The following GEMIN6 variants were observed in gnomAD, a reference collection of about 807,000 sequenced individuals.
The protein encoded by GEMIN6 is gem nuclear organelle associated protein 6.
GEMIN6 carries 13 observed loss-of-function variants against 14.1 expected under a neutral mutation model. The observed-to-expected ratio is 0.92, with a 90% confidence interval of 0.60 to 1.46. The LOEUF (loss-of-function observed/expected upper bound fraction) is 1.46. Ranked by LOEUF, GEMIN6 falls within the 40% of genes most tolerant of loss-of-function variation. The pLI is 0.00. For missense variants in GEMIN6, 271 were observed against 202.4 expected (o/e 1.34, Z -2.06); for synonymous variants, 87 against 70.0 (o/e 1.24, Z -1.21).
chr2:38,780,744 T>C (rs1460917890), intron 2 of GEMIN6, among the ~76,000 whole-genome samples: 1 of 151,240 alleles, frequency 6.6e-6, no homozygotes, highest in Non-Finnish European at 1.5e-5. Context: ...TTCTCCTGCC[T>C]CAGCCTCCTA....
rs1346761863 is a variant in GEMIN6, at chr2:38,784,862, A to G, written c.*2970A>G. 1 of 152,226 alleles carries G rather than the reference A, an allele frequency of 6.6e-6. No individual in the cohort carries two copies. The highest frequency in any genetic ancestry group is 1.5e-5 in the Non-Finnish European group (1 of 68,054). 9.4% of individuals were successfully genotyped at this position (152,226 alleles called of 1,614,324 possible). A position where few individuals can be genotyped will look rare whatever the true frequency, so the allele number is the denominator to read the frequency against. The stretch of plus-strand genomic sequence containing the variant: ...CCAGTGCCTCCTTTGGGCTGTCAGC[A>G]TCTGTGATTCCACATTCCCCAGAGG... On this transcript the variant is annotated 3_prime_UTR_variant, in exon 3 of 3. Transcript: ENST00000281950.
At chr2:38,779,247 G>C in intron 2 of GEMIN6, 129 bp downstream of exon 2, 1 of 1,006,630 alleles carries the variant, frequency 9.9e-7, no homozygotes, top group Non-Finnish European at 1.4e-6. Context: ...TTTTTTGTTT[G>C]TTTGAGACAG....
intron 2 of GEMIN6, 118 bp downstream of exon 2, chr2:38,779,236 AT>A (rs1171944532): frequency 5.2e-6 from 6 of 1,155,336 alleles, no homozygotes; most frequent in Admixed American, 2.4e-5. Context: ...TCATATAAGA[AT>A]TTTTTGTTTG....
Position 38,781,767 on chromosome 2 carries a change from C to G in GEMIN6, c.379C>G (p.Leu127Val). The change falls in exon 3 of 3, where the codon CTC becomes GTC. Residue 127 changes from leucine (L) to valine (V), a missense_variant. Transcript: ENST00000281950. ...TGAACAGGGAGACGCTCCAAGGACT[C>G]TCTGTGTGGCTGGGGTCCTGACTAT... ...ITEQGDAPRTLCVAGVLTIDP... is the reference protein window; with the variant it reads ...ITEQGDAPRTVCVAGVLTIDP... 1 of 1,614,186 alleles carries G rather than the reference C, an allele frequency of 6.2e-7. No homozygotes were observed. Among genetic ancestry groups the G allele is most frequent in the Non-Finnish European group, 8.5e-7 (1 of 1,180,042 alleles).
chr2:38,782,196 T>A lies in GEMIN6; in HGVS notation c.*304T>A, dbSNP rs1010793394. On this transcript the variant is annotated 3_prime_UTR_variant, in exon 3 of 3. Transcript: ENST00000281950. ...GTCTCGCTCTGTTGCCAGGTTTGAG[T>A]GCAGTGGCGCAATCTCAGCTCAGTG... The A allele has an allele frequency of 4.5e-6, 1 of 220,504 alleles. No individual in the cohort carries two copies. The highest frequency in any genetic ancestry group is 2.3e-5 in the African/African-American group (1 of 43,088). The allele number at this position is 220,504 out of a possible 1,614,324, so 13.7% of individuals were successfully genotyped here.
At position 38,783,658 on chromosome 2, in the gene GEMIN6, G is replaced by C. The variant is rs1004300899; in HGVS notation, c.*1766G>C. 6.6e-6 allele frequency: 1 copy of C among 152,178 alleles called. No homozygotes were observed. The allele number at this position is 152,178 out of a possible 1,614,324, so 9.4% of individuals were successfully genotyped here. A position where few individuals can be genotyped will look rare whatever the true frequency, so the allele number is the denominator to read the frequency against. ...AATATTTTAAAATATTTAAGCTTCA[G>C]GGCCTTTGAATACAGGCCCTGATAA... is the stretch of plus-strand genomic sequence containing the variant. On this transcript the variant is annotated 3_prime_UTR_variant, in exon 3 of 3. Coordinates refer to ENST00000281950, the MANE Select transcript of GEMIN6 (RefSeq NM_024775.10).
Position 38,782,273 on chromosome 2 carries a change from A to AAT in GEMIN6, c.*381_*382insAT. 1.2e-5 allele frequency: 2 copies of AAT among 165,804 alleles called. No individual in the cohort carries two copies. Among genetic ancestry groups the AAT allele is most frequent in the Non-Finnish European group, 2.6e-5 (2 of 77,192 alleles). 10.3% of individuals were successfully genotyped at this position (165,804 alleles called of 1,614,324 possible). The stretch of plus-strand genomic sequence containing the variant: ...ATTCCCCTGCCTCAGCCTCTCGAGT[A>AAT]GCTGGGACTACAGGTGCACGCCACC... On this transcript the variant is annotated 3_prime_UTR_variant, in exon 3 of 3. Transcript: ENST00000281950.
In GEMIN6 at chr2:38,779,647, TA is replaced by T. The variant is rs1558337858; in HGVS notation, c.128+530del. On this transcript the variant is annotated intron_variant, in intron 2 of 2. Transcript: ENST00000281950. ...AGAAATTATTCTTACTATATATATA[TA>T]TATATATATATATATATTTTTTTTT... is the stretch of plus-strand genomic sequence containing the variant. Among the ~76,000 whole-genome samples the T allele has an allele frequency of 6.7e-3, 198 of 29,644 alleles. 2 individuals are homozygous for T. The highest frequency in any genetic ancestry group is 0.016 in the African/African-American group (190 of 11,738). 19.4% of individuals were successfully genotyped at this position (29,644 alleles called of 152,430 possible). A position where few individuals can be genotyped will look rare whatever the true frequency, so the allele number is the denominator to read the frequency against.
At position 38,784,010 on chromosome 2, in the gene GEMIN6, T is replaced by A. The variant is rs1199873467; in HGVS notation, c.*2118T>A. 3 of 152,164 alleles carry A rather than the reference T, an allele frequency of 2.0e-5. No individual in the cohort carries two copies. The highest frequency in any genetic ancestry group is 4.4e-5 in the Non-Finnish European group (3 of 68,028). The allele number at this position is 152,164 out of a possible 1,614,324, so 9.4% of individuals were successfully genotyped here. On this transcript the variant is annotated 3_prime_UTR_variant, in exon 3 of 3. Transcript: ENST00000281950. Reference sequence around the variant, plus strand: ...AGACTCCCAGATAATGATGTTACCGTTCCCAGACCACACTTGCAGAAGCAG... The same window carrying A: ...AGACTCCCAGATAATGATGTTACCGATCCCAGACCACACTTGCAGAAGCAG...
chr2:38,784,518 G>T lies in GEMIN6; in HGVS notation c.*2626G>T, dbSNP rs1004383968. On this transcript the variant is annotated 3_prime_UTR_variant, in exon 3 of 3. Transcript: ENST00000281950. ...CGCATTCCAGCTTGGGCAGCAGAAC[G>T]AGACTCTGTCTCAAAAAAAAAAAAA... The T allele has an allele frequency of 2.9e-5, 4 of 138,656 alleles. No individual in the cohort carries two copies. Among genetic ancestry groups the T allele is most frequent in the Admixed American group, 7.8e-5 (1 of 12,872 alleles). The allele number at this position is 138,656 out of a possible 1,614,324, so 8.6% of individuals were successfully genotyped here.
intron 2 of GEMIN6, among the ~76,000 whole-genome samples, chr2:38,780,154 T>C (rs1199772119): frequency 1.3e-5 from 2 of 150,830 alleles, no homozygotes; most frequent in Non-Finnish European, 3.0e-5. Context: ...CCGTCTCTAC[T>C]GAAAATACAA....
In GEMIN6 at chr2:38,784,895, C is replaced by G. The variant is rs964789093; in HGVS notation, c.*3003C>G. 6.6e-6 allele frequency: 1 copy of G among 152,190 alleles called. No individual in the cohort carries two copies. The highest frequency in any genetic ancestry group is 2.4e-5 in the African/African-American group (1 of 41,448). 9.4% of individuals were successfully genotyped at this position (152,190 alleles called of 1,614,324 possible). On this transcript the variant is annotated 3_prime_UTR_variant, in exon 3 of 3. Coordinates refer to ENST00000281950, the MANE Select transcript of GEMIN6 (RefSeq NM_024775.10). ...TTCCACATTCCCCAGAGGGAGATTC[C>G]TCCCCAAAGCTGGTTGTATTTACTG...
rs760437710 is a variant in GEMIN6 at position 38,781,563 on chromosome 2, G to A, written c.175G>A (p.Gly59Arg). Reference sequence around the variant, plus strand: ...TGAAGATGGCAGCATGTCTGTGACCGGAATTATGGGACATGCTGTGCAGAC... The same window carrying A: ...TGAAGATGGCAGCATGTCTGTGACCAGAATTATGGGACATGCTGTGCAGAC... ...FLEDGSMSVTGIMGHAVQTVE... is the reference protein window; with the variant it reads ...FLEDGSMSVTRIMGHAVQTVE... The change falls in exon 3 of 3, where the codon GGA (glycine) becomes AGA (arginine). Residue 59 changes from glycine to arginine, a missense_variant. Coordinates refer to ENST00000281950, the MANE Select transcript of GEMIN6 (RefSeq NM_024775.10). 3.2e-5 allele frequency: 52 copies of A among 1,613,586 alleles called. No homozygotes were observed. Among genetic ancestry groups the A allele is most frequent in the Non-Finnish European group, 4.1e-5 (48 of 1,179,906 alleles).
At position 38,784,267 on chromosome 2, in the gene GEMIN6, G is replaced by T. The variant is rs1405048102; in HGVS notation, c.*2375G>T. The T allele has an allele frequency of 6.6e-6, 1 of 152,338 alleles. No homozygotes were observed. The highest frequency in any genetic ancestry group is 1.5e-5 in the Non-Finnish European group (1 of 68,236). 9.4% of individuals were successfully genotyped at this position (152,338 alleles called of 1,614,324 possible). On this transcript the variant is annotated 3_prime_UTR_variant, in exon 3 of 3. Transcript: ENST00000281950. ...TTGAAAAGGAAGAAGCCAGCTGGGC[G>T]CGGTGGCTCACGCCTGTAATCCCAG...
rs1669119639 is a variant in GEMIN6, at chr2:38,782,794, C to CT, written c.*903dup. The CT allele has an allele frequency of 1.5e-5, 2 of 134,704 alleles. No homozygotes were observed. The highest frequency in any genetic ancestry group is 5.6e-5 in the African/African-American group (2 of 35,512). The allele number at this position is 134,704 out of a possible 1,614,324, so 8.3% of individuals were successfully genotyped here. A position where few individuals can be genotyped will look rare whatever the true frequency, so the allele number is the denominator to read the frequency against. ...CCTGGGTGACAGAGCGAGACTCCGT[C>CT]TCAAAAAAAAAAAAAAAAATTATTG... is the stretch of plus-strand genomic sequence containing the variant. On this transcript the variant is annotated 3_prime_UTR_variant, in exon 3 of 3. Coordinates refer to ENST00000281950, the MANE Select transcript of GEMIN6 (RefSeq NM_024775.10).
chr2:38,782,687 C>A lies in GEMIN6; in HGVS notation c.*795C>A, dbSNP rs1035343689. ...TGGCAGGTGCCTGTAGTCCCAGCTA[C>A]TCAGGAGGCTGAGGCAGGAGAATGG... On this transcript the variant is annotated 3_prime_UTR_variant, in exon 3 of 3. Transcript: ENST00000281950. 1.3e-5 allele frequency: 2 copies of A among 150,798 alleles called. No individual in the cohort carries two copies. The highest frequency in any genetic ancestry group is 2.9e-5 in the Non-Finnish European group (2 of 67,826). The allele number at this position is 150,798 out of a possible 1,614,324, so 9.3% of individuals were successfully genotyped here.
chr2:38,781,597 CTATG>C lies in GEMIN6; in HGVS notation c.210_213del (p.Asn72LysfsTer6). ...GGACATGCTGTGCAGACTGTTGAAA[CTATG>C]AATGAAGGGGACCATAGAGTGAGGG... On this transcript the variant is annotated frameshift_variant, in exon 3 of 3. Coordinates refer to ENST00000281950, the MANE Select transcript of GEMIN6 (RefSeq NM_024775.10). LOFTEE classifies it high-confidence loss of function. 6.2e-7 allele frequency: 1 copy of C among 1,614,178 alleles called. No homozygotes were observed. Among genetic ancestry groups the C allele is most frequent in the Non-Finnish European group, 8.5e-7 (1 of 1,180,022 alleles).
At chr2:38,779,652 ATATATATATATATT>A (rs1282564336) in intron 2 of GEMIN6, among the ~76,000 whole-genome samples, 13 of 25,450 alleles carry the variant, frequency 5.1e-4, no homozygotes, top group Non-Finnish European at 6.9e-4. Context: ...ATATATATAT[ATATATATATATATT>A]TTTTTTTTTT....
intron 2 of GEMIN6, among the ~76,000 whole-genome samples, chr2:38,780,196 T>C (rs958484925): frequency 1.3e-5 from 2 of 150,976 alleles, no homozygotes; most frequent in Admixed American, 6.6e-5. Context: ...AGCAGGCACC[T>C]GTAGTCCCAG....
Sources: gnomAD v4.1 joint callset for allele counts (sites outside exome capture counted in the v4.1 genomes callset) on GRCh38, gnomAD v4.1.1 for gene constraint, MANE v1.5 for transcripts, NCBI Gene and HGNC (gene_info 2026-07-23, HGNC 2026-07-21) for gene names.